Variants in PDE1C observed in about 807,000 individuals in gnomAD.
The protein encoded by PDE1C is dual specificity calcium/calmodulin-dependent 3',5'-cyclic nucleotide phosphodiesterase 1C.
Under a neutral mutation model 93.1 loss-of-function variants are expected in PDE1C, and 62 were observed. The observed-to-expected ratio is 0.67, with a 90% CI of 0.54 to 0.82. The LOEUF (loss-of-function observed/expected upper bound fraction) is 0.82, where lower values mean the gene tolerates loss of function less well. Among genes scored for constraint, PDE1C ranks in the 40% least tolerant of loss-of-function variants. The probability of loss-of-function intolerance (pLI) is 0.00; values close to 1 mark genes in which losing one functional copy is unlikely to be tolerated. For missense variants in PDE1C, 742 were observed against 884.6 expected, an observed-to-expected ratio of 0.84 and a Z score of 2.04; for synonymous variants, 325 against 310.1, an observed-to-expected ratio of 1.05 and a Z score of -0.50.
At chr7:32,001,063 A>G (rs1387061456) in intron 2 of PDE1C, among the ~76,000 whole-genome samples, 2 of 152,136 alleles carry the variant, frequency 1.3e-5, no homozygotes, top group African/African-American at 4.8e-5. Context: ...GTGAAAAAAC[A>G]AGGCATAGAA....
At chr7:32,406,255 C>T (rs971873541) in intron 1 of PDE1C, among the ~76,000 whole-genome samples, 1 of 152,152 alleles carries the variant, frequency 6.6e-6, no homozygotes, top group Admixed American at 6.6e-5. Context: ...TGAGCCCAAC[C>T]CTGTGCCAGG....
chr7:32,037,238 A>G (rs554022431), intron 2 of PDE1C, among the ~76,000 whole-genome samples: 1 of 152,260 alleles, frequency 6.6e-6, no homozygotes, highest in Admixed American at 6.5e-5. Context: ...TGGTCCACAT[A>G]GCCCAAATGG....
chr7:32,042,918 A>C (rs1792037311), intron 2 of PDE1C, among the ~76,000 whole-genome samples: 1 of 152,240 alleles, frequency 6.6e-6, no homozygotes, highest in African/African-American at 2.4e-5. Flanking sequence ...CTCAGATTGA[A>C]TCTCATCTCT....
chr7:31,648,269 G>A, the PDE1C span, among the ~76,000 whole-genome samples: 2 of 152,098 alleles, frequency 1.3e-5, no homozygotes, highest in South Asian at 2.1e-4. Flanking sequence ...ATGGGTTTGG[G>A]TCAGTAGAGC....
the PDE1C span, among the ~76,000 whole-genome samples, chr7:31,709,120 G>A: frequency 3.9e-5 from 6 of 152,196 alleles, no homozygotes; most frequent in Non-Finnish European, 8.8e-5. Flanking sequence ...CAGATTTGCT[G>A]TATGAACACA....
intron 2 of PDE1C, among the ~76,000 whole-genome samples, chr7:32,043,763 A>G (rs1219654511): frequency 2.6e-5 from 4 of 152,316 alleles, no homozygotes; most frequent in Admixed American, 1.3e-4. Context: ...GGCAGAGTCA[A>G]TGATTTAAGC....
intron 1 of PDE1C, among the ~76,000 whole-genome samples, chr7:32,220,501 C>T (rs1806767348): frequency 6.6e-6 from 1 of 152,170 alleles, no homozygotes; most frequent in Non-Finnish European, 1.5e-5. Flanking sequence ...ACAGCTCACA[C>T]CATCAGAAAG....
intron 15 of PDE1C, among the ~76,000 whole-genome samples, chr7:31,810,499 C>T (rs1034295531): frequency 2.6e-5 from 4 of 152,124 alleles, no homozygotes; most frequent in African/African-American, 9.7e-5. Context: ...TGAAAGTAGA[C>T]AACTTCATCA....
chr7:32,085,824 C>G (rs1471066678), intron 3 of PDE1C, among the ~76,000 whole-genome samples: 1 of 150,442 alleles, frequency 6.6e-6, no homozygotes, highest in Non-Finnish European at 1.5e-5. Context: ...TAAAAACTCT[C>G]AATAAATTAG....
chr7:31,654,020 T>G, the PDE1C span, among the ~76,000 whole-genome samples: 1 of 149,996 alleles, frequency 6.7e-6, no homozygotes, highest in Non-Finnish European at 1.5e-5. Context: ...AGATGGACTT[T>G]CTACTCAGAA....
intron 1 of PDE1C, among the ~76,000 whole-genome samples, chr7:32,263,115 C>T (rs761642740): frequency 5.9e-5 from 9 of 152,182 alleles, no homozygotes; most frequent in Non-Finnish European, 1.3e-4. Context: ...TGACCATCAC[C>T]CCAACATCCC....
intron 16 of PDE1C, chr7:31,788,832 T>C (rs1784276142): frequency 6.6e-6 from 1 of 152,172 alleles, no homozygotes; most frequent in Non-Finnish European, 1.5e-5. Flanking sequence ...GTGCATTCGA[T>C]ACTACAAAGT....
intron 17 of PDE1C, among the ~76,000 whole-genome samples, chr7:31,758,106 T>C (rs1794586383): frequency 1.3e-5 from 2 of 152,022 alleles, no homozygotes; most frequent in South Asian, 2.1e-4. Context: ...ATGAGAACAC[T>C]TGGGCACGAG....
At chr7:32,193,823 T>C (rs1168334816) in intron 2 of PDE1C, among the ~76,000 whole-genome samples, 3 of 152,080 alleles carry the variant, frequency 2.0e-5, no homozygotes, top group East Asian at 3.9e-4. Flanking sequence ...TACTACACTT[T>C]CTTAGTATAG....
intron 2 of PDE1C, among the ~76,000 whole-genome samples, chr7:32,178,732 C>T (rs1356435414): frequency 6.6e-6 from 1 of 152,140 alleles, no homozygotes; most frequent in Admixed American, 6.5e-5. Context: ...CTATTACATT[C>T]TCCTTTCCTC....
the PDE1C span, among the ~76,000 whole-genome samples, chr7:31,644,119 C>G: frequency 2.6e-5 from 4 of 152,170 alleles, no homozygotes; most frequent in African/African-American, 9.7e-5. Context: ...GATATAGTAT[C>G]ACACATTTCT....
rs1794247915 is a variant in PDE1C, at chr7:31,858,130, A to C, written c.750+6812T>G. On this transcript the variant is annotated intron_variant, in intron 7 of 17. Coordinates refer to ENST00000396191, the MANE Select transcript of PDE1C (RefSeq NM_001191057.4). ...CAGAAGGTCTAAGAGAAGTGCCAGA[A>C]GCAGACAGAAGAGAAAACAGACAGG... Among the ~76,000 whole-genome samples the C allele has an allele frequency of 2.0e-5, 3 of 152,334 alleles. No individual in the cohort carries two copies. The South Asian group carries it at 6.2e-4, about 32-fold the overall frequency.
chr7:32,110,031 C>T (rs1318731433), intron 3 of PDE1C, among the ~76,000 whole-genome samples: 5 of 152,110 alleles, frequency 3.3e-5, no homozygotes, highest in African/African-American at 1.2e-4. Context: ...AGAATAACAG[C>T]ATTTTGGAGT....
intron 1 of PDE1C, among the ~76,000 whole-genome samples, chr7:32,374,034 A>G (rs1426175546): frequency 6.8e-6 from 1 of 146,162 alleles, no homozygotes; most frequent in East Asian, 2.1e-4. Flanking sequence ...AAATGGAGAG[A>G]AAGAGAGAAA....
Sources: allele counts gnomAD v4.1 joint callset (sites outside exome capture counted in the v4.1 genomes callset), GRCh38; gene constraint gnomAD v4.1.1; transcripts MANE v1.5; gene names NCBI Gene and HGNC (gene_info 2026-07-23, HGNC 2026-07-21).